Variants in TXNL4A observed in about 807,000 individuals in gnomAD.
The protein encoded by TXNL4A is thioredoxin-like protein 4A.
A neutral mutation model predicts 14.6 loss-of-function variants in TXNL4A; 17 were observed. The observed-to-expected ratio is 1.16, with a 90% confidence interval of 0.80 to 1.74. The LOEUF is 1.74. Among genes scored for constraint, TXNL4A ranks in the 40% most tolerant of loss-of-function variants. TXNL4A has a pLI of 0.00. For synonymous variants in TXNL4A, 83 were observed against 70.6 expected (o/e 1.18, Z -0.88); for missense variants, 74 against 195.2 (o/e 0.38, Z 3.70).
intron 1 of TXNL4A, among the ~76,000 whole-genome samples, chr18:80,029,865 C>T (rs1276500252): frequency 3.3e-5 from 5 of 151,444 alleles, no homozygotes; most frequent in Non-Finnish European, 7.4e-5. Flanking sequence ...AGGGACTTAT[C>T]GCCTTAAAAA....
chr18:79,989,950 C>G (rs2051614614), upstream of TXNL4A, among the ~76,000 whole-genome samples: 1 of 152,154 alleles, frequency 6.6e-6, no homozygotes, highest in Admixed American at 6.5e-5. Context: ...GAGCTGAGAT[C>G]GCACCACTTC....
intron 1 of TXNL4A, among the ~76,000 whole-genome samples, chr18:80,008,101 G>A (rs574282409): frequency 1.7e-4 from 26 of 151,808 alleles, no homozygotes; most frequent in African/African-American, 5.1e-4. Flanking sequence ...GTAATGAGCC[G>A]TGACTGCACC....
Position 79,988,516 on chromosome 18 carries a change from C to G in TXNL4A, c.-124G>C, listed in dbSNP as rs2051593116. On this transcript the variant is annotated 5_prime_UTR_variant, in exon 1 of 3. Transcript: ENST00000269601. The stretch of plus-strand genomic sequence containing the variant: ...CGGGCCCACGGACGAAATCCGGTCC[C>G]GCCCGCACACGCAAACTCCGCTGGG... 9.2e-7 allele frequency: 1 copy of G among 1,083,974 alleles called. No homozygotes were observed. Among genetic ancestry groups the G allele is most frequent in the Non-Finnish European group, 1.2e-6 (1 of 847,754 alleles). 67.1% of individuals were successfully genotyped at this position (1,083,974 alleles called of 1,614,324 possible). A position where few individuals can be genotyped will look rare whatever the true frequency, so the allele number is the denominator to read the frequency against.
chr18:79,991,811 T>G (rs2051630167), upstream of TXNL4A, among the ~76,000 whole-genome samples: 1 of 152,238 alleles, frequency 6.6e-6, no homozygotes, highest in Admixed American at 6.5e-5. Flanking sequence ...AGGTCTCAAT[T>G]AATTTAGAAA....
At chr18:79,998,135 T>C (rs1310040087) in intron 1 of TXNL4A, among the ~76,000 whole-genome samples, 2 of 151,704 alleles carry the variant, frequency 1.3e-5, no homozygotes, top group Non-Finnish European at 2.9e-5. Context: ...GTACTAAAAA[T>C]ACAAAAAAAT....
chr18:80,013,168 T>A (rs2051783291), intron 1 of TXNL4A, among the ~76,000 whole-genome samples: 1 of 150,256 alleles, frequency 6.7e-6, no homozygotes, highest in African/African-American at 2.4e-5. Flanking sequence ...TCCCCCAGGC[T>A]GGAGCACAGT....
At chr18:79,992,363 T>C (rs1023740862), upstream of TXNL4A, among the ~76,000 whole-genome samples, 1 of 152,148 alleles carries the variant, frequency 6.6e-6, no homozygotes, top group Non-Finnish European at 1.5e-5. Context: ...TCTAGTTCTT[T>C]AGAGAGAAAC....
intron 1 of TXNL4A, among the ~76,000 whole-genome samples, chr18:80,008,197 T>G (rs1030203234): frequency 2.0e-5 from 3 of 152,110 alleles, no homozygotes; most frequent in African/African-American, 7.2e-5. Context: ...CAGTGTGACT[T>G]TGTTTGTTGG....
upstream of TXNL4A, among the ~76,000 whole-genome samples, chr18:79,989,200 C>T (rs1039009639): frequency 2.0e-5 from 3 of 152,026 alleles, no homozygotes; most frequent in Admixed American, 1.3e-4. Flanking sequence ...CTGCAGCCTC[C>T]GCCTCCCGGG....
upstream of TXNL4A, chr18:79,988,708 G>A (rs1017618713): frequency 1.1e-4 from 22 of 202,996 alleles, no homozygotes; most frequent in African/African-American, 4.4e-4. Flanking sequence ...GTGGAGCGCC[G>A]TTGGTTCCGT....
chr18:79,987,100 G>A (rs1231816689), intron 1 of TXNL4A, among the ~76,000 whole-genome samples: 4 of 152,198 alleles, frequency 2.6e-5, no homozygotes, highest in Non-Finnish European at 5.9e-5. Flanking sequence ...TCAAGGTCAA[G>A]TCGCATCAGA....
intron 1 of TXNL4A, among the ~76,000 whole-genome samples, chr18:79,994,707 G>A (rs748194877): frequency 6.6e-6 from 1 of 151,996 alleles, no homozygotes; most frequent in Non-Finnish European, 1.5e-5. Context: ...ACTGCCAATC[G>A]AGAACTCTCT....
At chr18:80,016,529 T>G (rs2051811792) in intron 1 of TXNL4A, among the ~76,000 whole-genome samples, 1 of 152,142 alleles carries the variant, frequency 6.6e-6, no homozygotes, top group Non-Finnish European at 1.5e-5. Flanking sequence ...CATCTTGAAT[T>G]AATTTTTGTA....
intron 1 of TXNL4A, among the ~76,000 whole-genome samples, chr18:80,025,814 T>G (rs1047762718): frequency 6.6e-6 from 1 of 152,200 alleles, no homozygotes; most frequent in Non-Finnish European, 1.5e-5. Flanking sequence ...GGTCAGACCC[T>G]ATAACAGATT....
Position 79,987,077 on chromosome 18 carries a change from C to A in TXNL4A, c.153+1163G>T, listed in dbSNP as rs547730899. 1.4e-4 allele frequency among the ~76,000 whole-genome samples: 22 copies of A among 152,312 alleles called. No homozygotes were observed. In the South Asian group the frequency reaches 4.4e-3, roughly 30 times the overall value. On this transcript the variant is annotated intron_variant, in intron 1 of 2. Coordinates refer to ENST00000269601, the MANE Select transcript of TXNL4A (RefSeq NM_006701.5). ...CTACTCCACCTCCATCCCTGACCCCCATGGAAGGTGGTTCAAGGTCAAGTC... is the reference window on the plus strand; with the variant it reads ...CTACTCCACCTCCATCCCTGACCCCAATGGAAGGTGGTTCAAGGTCAAGTC...
chr18:79,994,246 T>C (rs2051645626), intron 1 of TXNL4A, among the ~76,000 whole-genome samples: 1 of 152,202 alleles, frequency 6.6e-6, no homozygotes, highest in South Asian at 2.1e-4. Flanking sequence ...AGATGCCCAA[T>C]TTAGTGTACC....
At chr18:79,990,714 T>C (rs1359704506), upstream of TXNL4A, among the ~76,000 whole-genome samples, 1 of 152,274 alleles carries the variant, frequency 6.6e-6, no homozygotes, top group Non-Finnish European at 1.5e-5. Context: ...TTGTGTTACT[T>C]ATAACAAGAT....
intron 2 of TXNL4A, chr18:79,976,789 T>C (rs1332666480): frequency 2.2e-6 from 1 of 456,242 alleles, no homozygotes; most frequent in Non-Finnish European, 4.4e-6. Context: ...CTATGGTAAC[T>C]AAACAAGTAA....
intron 1 of TXNL4A, 24 bp from the exon 2 acceptor site, chr18:79,977,725 AC>A (rs1435081468): frequency 1.5e-6 from 2 of 1,322,554 alleles, no homozygotes; most frequent in African/African-American, 3.0e-5. Context: ...AAAAAAAAAA[AC>A]TGAAATAACA....
Sources: allele counts gnomAD v4.1 joint callset (sites outside exome capture counted in the v4.1 genomes callset), GRCh38; gene constraint gnomAD v4.1.1; transcripts MANE v1.5; gene names NCBI Gene and HGNC (gene_info 2026-07-23, HGNC 2026-07-21).